SRRM4: variants seen among roughly 807,000 people sequenced by gnomAD.
The protein encoded by SRRM4 is serine/arginine repetitive matrix protein 4.
A neutral mutation model predicts 68.9 loss-of-function variants in SRRM4; 33 were observed. That is an observed-to-expected ratio of 0.48 (90% CI 0.36 to 0.64). The LOEUF is 0.64. Ranked by LOEUF, SRRM4 falls within the 30% of genes least tolerant of loss-of-function variation. The probability of loss-of-function intolerance (pLI) is 0.00; values close to 1 mark genes in which losing one functional copy is unlikely to be tolerated. For missense variants in SRRM4, 817 were observed against 827.1 expected (o/e 0.99, Z 0.15); for synonymous variants, 318 against 318.8 (o/e 1.00, Z 0.03).
intron 7 of SRRM4, among the ~76,000 whole-genome samples, chr12:119,128,749 C>T (rs768226101): frequency 6.6e-6 from 1 of 152,210 alleles, no homozygotes; most frequent in African/African-American, 2.4e-5. Context: ...TTCACCTACA[C>T]CCCAGGCTGA....
intron 1 of SRRM4, among the ~76,000 whole-genome samples, chr12:119,087,397 A>G (rs1953985303): frequency 6.6e-6 from 1 of 152,236 alleles, no homozygotes; most frequent in Non-Finnish European, 1.5e-5. Flanking sequence ...AGGAGTGGAA[A>G]CAGGGCCTTT....
chr12:118,984,838 G>C (rs578043405), intron 1 of SRRM4, among the ~76,000 whole-genome samples: 1 of 152,282 alleles, frequency 6.6e-6, no homozygotes, highest in South Asian at 2.1e-4. Flanking sequence ...TAGTGGTTAA[G>C]AGCTCAGACT....
chr12:119,089,947 G>T (rs370646162), intron 1 of SRRM4, among the ~76,000 whole-genome samples: 34 of 152,244 alleles, frequency 2.2e-4, no homozygotes, highest in South Asian at 1.7e-3. Flanking sequence ...TTCTCAGATG[G>T]GAAAACTAAG....
At chr12:119,073,920 C>A (rs552964927) in intron 1 of SRRM4, among the ~76,000 whole-genome samples, 4 of 152,322 alleles carry the variant, frequency 2.6e-5, no homozygotes, top group African/African-American at 9.6e-5. Flanking sequence ...GCAAGAGTCA[C>A]TGCACCCAGC....
chr12:119,124,270 A>C (rs1304416678), intron 6 of SRRM4: 1 of 152,242 alleles, frequency 6.6e-6, no homozygotes, highest in Non-Finnish European at 1.5e-5. Flanking sequence ...CATACAGTTC[A>C]GAGCTGCTTT....
chr12:118,998,842 C>T (rs1953366314), intron 1 of SRRM4, among the ~76,000 whole-genome samples: 1 of 152,198 alleles, frequency 6.6e-6, no homozygotes, highest in African/African-American at 2.4e-5. Flanking sequence ...TCTCTATTCC[C>T]AGTGACTAGC....
intron 1 of SRRM4, among the ~76,000 whole-genome samples, chr12:119,004,906 G>A (rs1953406794): frequency 6.6e-6 from 1 of 150,896 alleles, no homozygotes; most frequent in Non-Finnish European, 1.5e-5. Flanking sequence ...TTCCCTTGGC[G>A]GAACCAAGGC....
intron 1 of SRRM4, among the ~76,000 whole-genome samples, chr12:119,005,196 C>T (rs1306909200): frequency 6.6e-6 from 1 of 152,196 alleles, no homozygotes; most frequent in East Asian, 1.9e-4. Context: ...AGGGATTAAC[C>T]CTTTCCTGTC....
intron 7 of SRRM4, among the ~76,000 whole-genome samples, chr12:119,126,013 G>GTTT (rs1954256964): frequency 2.5e-5 from 3 of 119,524 alleles, no homozygotes; most frequent in African/African-American, 1.0e-4. Flanking sequence ...CATACTAGCT[G>GTTT]CTTTTTTTTT....
At chr12:119,107,453 CTT>C (rs1285458485) in intron 2 of SRRM4, among the ~76,000 whole-genome samples, 2 of 152,156 alleles carry the variant, frequency 1.3e-5, no homozygotes, top group African/African-American at 4.8e-5. Flanking sequence ...TGGTCCTGGA[CTT>C]TTTTTGGTTG....
chr12:119,088,597 C>T (rs1253045993), intron 1 of SRRM4, among the ~76,000 whole-genome samples: 1 of 151,486 alleles, frequency 6.6e-6, no homozygotes, highest in Non-Finnish European at 1.5e-5. Context: ...CCCAAGGCCA[C>T]CAGTGATGTC....
At chr12:119,097,709 T>G (rs982849188) in intron 1 of SRRM4, among the ~76,000 whole-genome samples, 2 of 152,214 alleles carry the variant, frequency 1.3e-5, no homozygotes, top group Non-Finnish European at 2.9e-5. Context: ...CCATATCTGA[T>G]TCCTGACCCC....
At chr12:119,105,558 C>A (rs2136043637) in intron 2 of SRRM4, among the ~76,000 whole-genome samples, 1 of 152,282 alleles carries the variant, frequency 6.6e-6, no homozygotes, top group South Asian at 2.1e-4. Flanking sequence ...ATTTGCATTT[C>A]TCTGATGGCC....
At chr12:119,151,969 A>T (rs537290442) in intron 10 of SRRM4, among the ~76,000 whole-genome samples, 1 of 152,200 alleles carries the variant, frequency 6.6e-6, no homozygotes, top group African/African-American at 2.4e-5. Context: ...ATTGCAGGGG[A>T]TGTGGACACT....
At chr12:118,988,624 C>A (rs958225143) in intron 1 of SRRM4, among the ~76,000 whole-genome samples, 14 of 152,134 alleles carry the variant, frequency 9.2e-5, no homozygotes, top group Non-Finnish European at 1.6e-4. Context: ...GTGGAAGAAG[C>A]TGCACGTTGG....
At chr12:119,155,946 T>C (rs1954468624) in intron 12 of SRRM4, among the ~76,000 whole-genome samples, 1 of 152,192 alleles carries the variant, frequency 6.6e-6, no homozygotes, top group Admixed American at 6.5e-5. Context: ...GTTTCTTTAG[T>C]CAATCTCAAA....
At chr12:119,144,377 C>T (rs1161850557) in intron 8 of SRRM4, among the ~76,000 whole-genome samples, 1 of 152,104 alleles carries the variant, frequency 6.6e-6, no homozygotes, top group Non-Finnish European at 1.5e-5. Flanking sequence ...GAATTGATGC[C>T]CCCACCCGTC....
At chr12:119,024,460 G>A (rs1953535366) in intron 1 of SRRM4, among the ~76,000 whole-genome samples, 1 of 152,238 alleles carries the variant, frequency 6.6e-6, no homozygotes, top group African/African-American at 2.4e-5. Flanking sequence ...GCCCCTGCAA[G>A]CCCCCTCGGC....
At chr12:119,100,014 C>T (rs1394855516) in intron 1 of SRRM4, among the ~76,000 whole-genome samples, 5 of 152,140 alleles carry the variant, frequency 3.3e-5, no homozygotes, top group Admixed American at 2.6e-4. Flanking sequence ...CTTTTGATGA[C>T]AAGAGTGTCA....
Sources: allele counts gnomAD v4.1 joint callset (sites outside exome capture counted in the v4.1 genomes callset), GRCh38; gene constraint gnomAD v4.1.1; transcripts MANE v1.5; gene names NCBI Gene and HGNC (gene_info 2026-07-23, HGNC 2026-07-21).